Variants in PNKD observed in about 807,000 individuals in gnomAD.
PNKD encodes the protein probable thioesterase PNKD.
PNKD carries 36 observed loss-of-function variants against 45.3 expected under a neutral mutation model. The observed-to-expected ratio is 0.80, with a 90% CI of 0.61 to 1.05. The LOEUF (loss-of-function observed/expected upper bound fraction) is 1.05. PNKD is among the 50% of genes least tolerant of loss of function. The pLI, the probability that PNKD is intolerant of heterozygous loss-of-function variation, is 0.00. For synonymous variants in PNKD, 197 were observed against 210.1 expected (o/e 0.94, Z 0.54); for missense variants, 511 against 506.6 (o/e 1.01, Z -0.08).
intron 2 of PNKD, among the ~76,000 whole-genome samples, chr2:218,335,609 G>GA (rs1694466281): frequency 6.6e-6 from 1 of 151,468 alleles, no homozygotes; most frequent in Non-Finnish European, 1.5e-5. Flanking sequence ...TATTGTTGAA[G>GA]AAATGTAAGT....
chr2:218,274,291 A>G (rs1039378773), intron 2 of PNKD: 3 of 154,936 alleles, frequency 1.9e-5, no homozygotes, highest in Non-Finnish European at 4.4e-5. Flanking sequence ...AATCCTAACT[A>G]TATCCTTGGG....
intron 2 of PNKD, chr2:218,282,142 G>A: frequency 1.1e-5 from 17 of 1,496,742 alleles, no homozygotes; most frequent in Non-Finnish European, 1.3e-5. Flanking sequence ...GGTTGGACAT[G>A]GCTGCTCACG....
At chr2:218,337,822 A>G (rs1457676283) in intron 2 of PNKD, among the ~76,000 whole-genome samples, 1 of 152,086 alleles carries the variant, frequency 6.6e-6, no homozygotes, top group Non-Finnish European at 1.5e-5. Context: ...ATCAGGCTCC[A>G]CTTGCAAGAC....
chr2:218,316,343 C>G (rs1467383913), intron 2 of PNKD, among the ~76,000 whole-genome samples: 1 of 145,342 alleles, frequency 6.9e-6, no homozygotes, highest in South Asian at 2.2e-4. Flanking sequence ...GATCTCAGCT[C>G]ACTGCAACCT....
intron 2 of PNKD, among the ~76,000 whole-genome samples, chr2:218,336,079 G>A (rs1204117213): frequency 1.3e-5 from 2 of 152,018 alleles, no homozygotes; most frequent in Non-Finnish European, 2.9e-5. Context: ...GCCAGGCGTG[G>A]TGGTGGGTGC....
intron 9 of PNKD, 28 bp from the exon 10 acceptor site, chr2:218,344,780 C>T (rs1224220711): frequency 6.2e-7 from 1 of 1,611,072 alleles, no homozygotes; most frequent in East Asian, 2.2e-5. Flanking sequence ...AGCTTCTCTC[C>T]ACCAAACCTG....
chr2:218,345,148 G>A lies in PNKD; in HGVS notation c.*167G>A. 1.6e-6 allele frequency: 1 copy of A among 625,924 alleles called. No individual in the cohort carries two copies. Among genetic ancestry groups the A allele is most frequent in the Non-Finnish European group, 2.8e-6 (1 of 360,066 alleles). The allele number at this position is 625,924 out of a possible 1,614,324, so 38.8% of individuals were successfully genotyped here. ...GGGAGGGATCAGGCGATGAGACTGT[G>A]AGGCCAAAAGAAGGGGGCCTGTTGG... On this transcript the variant is annotated 3_prime_UTR_variant, in exon 10 of 10. Transcript: ENST00000273077.
At chr2:218,277,539 C>A in intron 2 of PNKD, 1 of 1,607,284 alleles carries the variant, frequency 6.2e-7, no homozygotes. Flanking sequence ...GGGACCTGCC[C>A]AGAATCCACC....
intron 2 of PNKD, among the ~76,000 whole-genome samples, chr2:218,295,662 C>G (rs1693124085): frequency 6.6e-6 from 1 of 151,534 alleles, no homozygotes; most frequent in South Asian, 2.1e-4. Context: ...TAGGGCTGGC[C>G]AAGGAGGCAG....
At chr2:218,296,784 T>A (rs1029605134) in intron 2 of PNKD, among the ~76,000 whole-genome samples, 1 of 152,172 alleles carries the variant, frequency 6.6e-6, no homozygotes, top group Non-Finnish European at 1.5e-5. Flanking sequence ...GTTCAAGCGA[T>A]TCTCCTGCTT....
At position 218,339,826 on chromosome 2, in the gene PNKD, C is replaced by A. The variant is rs754138242; in HGVS notation, c.280C>A (p.Arg94=). Residue 94 remains arginine, a synonymous_variant, in exon 3 of 10, where the codon CGA becomes AGA. Transcript: ENST00000273077. ...CACCTGGCTCGGGTACCTCTTCTAC[C>A]GACAGCAGCTGCGCAGGGCTCGGAA... ...TRTWLGYLFY[R]QQLRRARNRY... 8 of 1,613,824 alleles carry A rather than the reference C, an allele frequency of 5.0e-6. No homozygotes were observed. Among genetic ancestry groups the A allele is most frequent in the Non-Finnish European group, 5.9e-6 (7 of 1,179,896 alleles).
chr2:218,328,603 G>A (rs1295513902), intron 2 of PNKD, among the ~76,000 whole-genome samples: 1 of 152,150 alleles, frequency 6.6e-6, no homozygotes, highest in Non-Finnish European at 1.5e-5. Context: ...TCCTAAGTAT[G>A]ACTGGGTTTT....
chr2:218,272,727 C>A (rs754380259), intron 2 of PNKD: 2 of 1,614,188 alleles, frequency 1.2e-6, no homozygotes, highest in South Asian at 2.2e-5. Context: ...CCAGAGTGCC[C>A]CGTCCCCTGA....
chr2:218,309,105 T>C (rs1458086736), intron 2 of PNKD, among the ~76,000 whole-genome samples: 1 of 151,072 alleles, frequency 6.6e-6, no homozygotes, highest in Admixed American at 6.6e-5. Context: ...AAATAAGAGA[T>C]CCTCCCACCA....
chr2:218,335,820 C>T (rs1234539730), intron 2 of PNKD, among the ~76,000 whole-genome samples: 1 of 152,146 alleles, frequency 6.6e-6, no homozygotes, highest in Non-Finnish European at 1.5e-5. Flanking sequence ...TGGAAACCTG[C>T]TTGGTTTTGA....
chr2:218,272,795 T>C lies in PNKD; in HGVS notation c.236+1246T>C, dbSNP rs780208592. On this transcript the variant is annotated intron_variant, in intron 2 of 9. Transcript: ENST00000273077. ...TGCGACCCTCCTAGGCTATTGACTG[T>C]TAAGTCCTCAGGTTTGGCCCAGATT... is the stretch of plus-strand genomic sequence containing the variant. The C allele has an allele frequency of 2.2e-5, 35 of 1,613,764 alleles. No individual in the cohort carries two copies. The East Asian group carries it at 7.6e-4, about 35-fold the overall frequency.
At chr2:218,280,139 G>T (rs1163581758) in intron 2 of PNKD, 4 of 1,595,462 alleles carry the variant, frequency 2.5e-6, no homozygotes, top group Admixed American at 1.7e-5. Flanking sequence ...AGGGACAGAT[G>T]ACACTTGACT....
intron 2 of PNKD, among the ~76,000 whole-genome samples, chr2:218,303,131 A>G (rs2106253277): frequency 1.3e-5 from 2 of 152,012 alleles, no homozygotes; most frequent in East Asian, 3.9e-4. Context: ...TAGTAGAGAC[A>G]GGTTTTCACC....
intron 2 of PNKD, chr2:218,278,607 G>A (rs766629777): frequency 1.2e-6 from 2 of 1,608,940 alleles, no homozygotes; most frequent in Non-Finnish European, 1.7e-6. Context: ...GCCCAAATCT[G>A]CCCCGCTTGG....
Sources: gnomAD v4.1 joint callset for allele counts (sites outside exome capture counted in the v4.1 genomes callset) on GRCh38, gnomAD v4.1.1 for gene constraint, MANE v1.5 for transcripts, NCBI Gene and HGNC (gene_info 2026-07-23, HGNC 2026-07-21) for gene names.